The following INPP4B variants were observed in gnomAD, a reference collection of about 807,000 sequenced individuals.
INPP4B encodes inositol polyphosphate-4-phosphatase type II B.
A neutral mutation model predicts 122.5 loss-of-function variants in INPP4B; 55 were observed. The observed-to-expected ratio is 0.45, with a 90% CI of 0.36 to 0.56. INPP4B has a LOEUF of 0.56. Among genes scored for constraint, INPP4B ranks in the 20% least tolerant of loss-of-function variants. The probability of loss-of-function intolerance (pLI) is 0.00; values close to 1 mark genes in which losing one functional copy is unlikely to be tolerated. For missense variants in INPP4B, 1,000 were observed against 1,097.7 expected (o/e 0.91, Z 1.26); for synonymous variants, 403 against 388.7 (o/e 1.04, Z -0.43).
intron 2 of INPP4B, among the ~76,000 whole-genome samples, chr4:142,694,790 C>T (rs1396926192): frequency 6.6e-6 from 1 of 152,030 alleles, no homozygotes; most frequent in Non-Finnish European, 1.5e-5. Flanking sequence ...TGAGAAGAGC[C>T]TACAGCCCCT....
chr4:142,751,647 G>A (rs1026252671), intron 1 of INPP4B, among the ~76,000 whole-genome samples: 1 of 152,034 alleles, frequency 6.6e-6, no homozygotes, highest in Non-Finnish European at 1.5e-5. Context: ...CAATAAGGCT[G>A]TCTTCTAAGC....
intron 12 of INPP4B, among the ~76,000 whole-genome samples, chr4:142,230,273 G>A (rs1038982126): frequency 1.3e-5 from 2 of 152,126 alleles, no homozygotes; most frequent in African/African-American, 4.8e-5. Flanking sequence ...AATTAAGGAT[G>A]ATAACAGAGA....
At chr4:142,560,108 T>C (rs919652624) in intron 2 of INPP4B, among the ~76,000 whole-genome samples, 3 of 150,966 alleles carry the variant, frequency 2.0e-5, no homozygotes, top group African/African-American at 7.3e-5. Flanking sequence ...CAGAAGGGGG[T>C]TTATCAAGAC....
At chr4:142,400,101 A>T (rs1385507567) in intron 7 of INPP4B, among the ~76,000 whole-genome samples, 2 of 152,234 alleles carry the variant, frequency 1.3e-5, no homozygotes, top group Non-Finnish European at 2.9e-5. Context: ...AGCACAGAGA[A>T]AAGGCCATCA....
chr4:142,424,653 CTATCT>C (rs1162590190), intron 5 of INPP4B, among the ~76,000 whole-genome samples: 2 of 151,906 alleles, frequency 1.3e-5, no homozygotes, highest in African/African-American at 2.4e-5. Flanking sequence ...GATTAATATC[CTATCT>C]TATGAATGTA....
chr4:142,238,420 A>G (rs569497420), intron 11 of INPP4B, among the ~76,000 whole-genome samples: 1 of 152,262 alleles, frequency 6.6e-6, no homozygotes, highest in South Asian at 2.1e-4. Flanking sequence ...CACCTAATAT[A>G]TACTTTGAAC....
chr4:142,558,793 T>TAAAAAAAAAAA lies in INPP4B; in HGVS notation c.-190-96078_-190-96068dup, dbSNP rs34151070. ...CTGGGCGACAGAGCAAGACTCCCTCTAAAAAAAAAAAAAAAAAAAAAAAAA... is the reference window on the plus strand; with the variant it reads ...CTGGGCGACAGAGCAAGACTCCCTCTAAAAAAAAAAAAAAAAAAAAAAAAAAAAAAAAAAAA... On this transcript the variant is annotated intron_variant, in intron 2 of 25. Transcript: ENST00000262992. 1.0e-3 allele frequency among the ~76,000 whole-genome samples: 76 copies of TAAAAAAAAAAA among 75,544 alleles called. 2 individuals are homozygous for TAAAAAAAAAAA. The highest frequency in any genetic ancestry group is 4.5e-3 in the Admixed American group (30 of 6,596). The allele number at this position is 75,544 out of a possible 152,430, so 49.6% of individuals were successfully genotyped here.
intron 2 of INPP4B, among the ~76,000 whole-genome samples, chr4:142,512,901 C>G (rs561362522): frequency 6.6e-6 from 1 of 152,110 alleles, no homozygotes; most frequent in African/African-American, 2.4e-5. Flanking sequence ...CCCACCACCA[C>G]GGTAACTATA....
chr4:142,351,439 G>A (rs79764022), intron 7 of INPP4B, among the ~76,000 whole-genome samples: 2,507 of 152,002 alleles, frequency 0.016, 63 homozygotes, highest in African/African-American at 0.057. Context: ...AATAACTGGC[G>A]TGGTTTCTGT....
At chr4:142,702,735 A>G (rs1373125814) in intron 2 of INPP4B, among the ~76,000 whole-genome samples, 1 of 150,582 alleles carries the variant, frequency 6.6e-6, no homozygotes, top group African/African-American at 2.4e-5. Flanking sequence ...CGTCTCAAAA[A>G]AAAAAAAAAA....
At chr4:142,262,680 A>G (rs1235898907) in intron 10 of INPP4B, among the ~76,000 whole-genome samples, 1 of 152,184 alleles carries the variant, frequency 6.6e-6, no homozygotes, top group Non-Finnish European at 1.5e-5. Flanking sequence ...ACCTAGTAGA[A>G]TGCTTAGAAC....
chr4:142,277,351 C>A (rs1749017396), intron 9 of INPP4B, among the ~76,000 whole-genome samples: 1 of 151,630 alleles, frequency 6.6e-6, no homozygotes, highest in Admixed American at 6.6e-5. Flanking sequence ...TAAGTCCCAT[C>A]TATTTATCTT....
At chr4:142,582,315 A>G (rs1236087232) in intron 2 of INPP4B, among the ~76,000 whole-genome samples, 1 of 152,138 alleles carries the variant, frequency 6.6e-6, no homozygotes, top group Non-Finnish European at 1.5e-5. Context: ...TACATTTATT[A>G]AAGCTGTCAA....
At position 142,030,628 on chromosome 4, in the gene INPP4B, T is replaced by C. The variant is rs144295744; in HGVS notation, c.2643-1714A>G. On this transcript the variant is annotated intron_variant, in intron 25 of 25. Coordinates refer to ENST00000262992, the MANE Select transcript of INPP4B (RefSeq NM_001101669.3). ...AGCATAACAGCACCAAATCAAGACT[T>C]TATGAATACAACTAAAACATGGATT... Among the ~76,000 whole-genome samples the C allele has an allele frequency of 2.8e-4, 43 of 152,208 alleles. 1 individual carries two copies. The highest frequency in any genetic ancestry group is 9.6e-4 in the African/African-American group (40 of 41,546).
intron 2 of INPP4B, among the ~76,000 whole-genome samples, chr4:142,719,935 G>A (rs1764290680): frequency 6.6e-6 from 1 of 152,282 alleles, no homozygotes; most frequent in East Asian, 1.9e-4. Flanking sequence ...CTTCTGATGG[G>A]CTATAGCACC....
intron 11 of INPP4B, among the ~76,000 whole-genome samples, chr4:142,257,058 A>G (rs1179203428): frequency 1.3e-5 from 2 of 152,204 alleles, no homozygotes; most frequent in East Asian, 3.8e-4. Context: ...AATATACGCA[A>G]ATCAATAAAT....
At chr4:142,324,900 T>G (rs1045633202) in intron 7 of INPP4B, among the ~76,000 whole-genome samples, 5 of 152,170 alleles carry the variant, frequency 3.3e-5, no homozygotes, top group Admixed American at 6.5e-5. Flanking sequence ...ATTTCTCACT[T>G]CATCCAATAC....
chr4:142,721,416 G>GCAATGATGTATGGCTTTAT (rs1252423187), intron 2 of INPP4B, among the ~76,000 whole-genome samples: 3 of 152,160 alleles, frequency 2.0e-5, no homozygotes, highest in Non-Finnish European at 2.9e-5. Flanking sequence ...GTATGGAGTG[G>GCAATGATGTATGGCTTTAT]CACAAAGCCA....
intron 7 of INPP4B, among the ~76,000 whole-genome samples, chr4:142,376,439 C>G (rs1327980593): frequency 6.6e-6 from 1 of 151,948 alleles, no homozygotes; most frequent in Non-Finnish European, 1.5e-5. Context: ...TATTACACAG[C>G]AATGTAAGGT....
Sources: allele counts gnomAD v4.1 joint callset (sites outside exome capture counted in the v4.1 genomes callset), GRCh38; gene constraint gnomAD v4.1.1; transcripts MANE v1.5; gene names NCBI Gene and HGNC (gene_info 2026-07-23, HGNC 2026-07-21).